The following TUT4 variants were observed in gnomAD, a reference collection of about 807,000 sequenced individuals.
TUT4 encodes the protein terminal uridylyl transferase 4.
In TUT4, 36 loss-of-function variants were observed where a neutral mutation model predicts 192.2. The observed-to-expected ratio is 0.19, with a 90% CI of 0.14 to 0.25. The LOEUF is 0.25. Among genes scored for constraint, TUT4 ranks in the 10% least tolerant of loss-of-function variants. TUT4 has a pLI of 1.00. For synonymous variants in TUT4, 618 were observed against 666.0 expected (o/e 0.93, Z 1.11); for missense variants, 1,493 against 1,957.2 (o/e 0.76, Z 4.47).
At chr1:52,544,893 C>T (rs540182814) in intron 1 of TUT4, among the ~76,000 whole-genome samples, 70 of 151,768 alleles carry the variant, frequency 4.6e-4, no homozygotes, top group Non-Finnish European at 9.0e-4. Context: ...CCTGTCTCTA[C>T]AAAAATCTTA....
intron 2 of TUT4, among the ~76,000 whole-genome samples, chr1:52,518,956 A>C (rs1679442436): frequency 6.6e-6 from 1 of 152,230 alleles, no homozygotes; most frequent in Non-Finnish European, 1.5e-5. Context: ...GTAAAATCTT[A>C]CATGTATTTA....
chr1:52,463,259 C>T (rs998783014), intron 16 of TUT4: 71 of 987,736 alleles, frequency 7.2e-5, no homozygotes, highest in Non-Finnish European at 8.2e-5. Flanking sequence ...GTATAAAAAT[C>T]ATTTCCTATT....
rs749544030 is a variant in TUT4 at position 52,474,900 on chromosome 1, CATT to C, written c.2656_2658del (p.Asn886del). 5.6e-6 allele frequency: 9 copies of C among 1,613,974 alleles called. No individual in the cohort carries two copies. The East Asian group carries it at 1.3e-4, about 24-fold the overall frequency. On this transcript the variant is annotated inframe_deletion, in exon 13 of 30. Coordinates refer to ENST00000257177, the MANE Select transcript of TUT4 (RefSeq NM_001009881.3). ...TCCTGGGTGGGGAGGTTATCATCATCATTAAGGTCAGAAGCATCTTCTGTAGCT... is the reference window on the plus strand; with the variant it reads ...TCCTGGGTGGGGAGGTTATCATCATCAAGGTCAGAAGCATCTTCTGTAGCT...
intron 28 of TUT4, 152 bp downstream of exon 28, chr1:52,430,861 T>TG: frequency 1.2e-6 from 1 of 811,444 alleles, no homozygotes; most frequent in East Asian, 2.8e-5. Flanking sequence ...CCAGGCAGTC[T>TG]GAGTCCAGAG....
intron 13 of TUT4, among the ~76,000 whole-genome samples, chr1:52,474,285 ATAGGATAAGCCGAAATCCAGAGGCTCAG>A (rs916954773): frequency 2.0e-5 from 3 of 152,334 alleles, no homozygotes; most frequent in African/African-American, 4.8e-5. Flanking sequence ...TGTAATTCAT[ATAGGATAAGCCGAAATCCAGAGGCTCAG>A]TAGCAGAAAC....
At chr1:52,456,370 C>T (rs1407616471) in intron 20 of TUT4, among the ~76,000 whole-genome samples, 2 of 137,638 alleles carry the variant, frequency 1.5e-5, no homozygotes, top group Non-Finnish European at 3.0e-5. Context: ...TGAGATCATG[C>T]CACTGCACTC....
chr1:52,540,620 C>T (rs965608722), intron 1 of TUT4, among the ~76,000 whole-genome samples: 1 of 152,110 alleles, frequency 6.6e-6, no homozygotes, highest in African/African-American at 2.4e-5. Context: ...TAATTAGAGT[C>T]TTGCAGTATT....
chr1:52,445,194 TA>T (rs1251460604), intron 24 of TUT4, among the ~76,000 whole-genome samples: 1 of 151,756 alleles, frequency 6.6e-6, no homozygotes, highest in African/African-American at 2.4e-5. Context: ...TCCCTAACCA[TA>T]AGAAAGCAGG....
chr1:52,442,594 T>C (rs764087779), intron 24 of TUT4, among the ~76,000 whole-genome samples: 14 of 152,154 alleles, frequency 9.2e-5, no homozygotes, highest in Non-Finnish European at 1.6e-4. Context: ...AAATCTGAAA[T>C]CTCAAATGCT....
intron 1 of TUT4, chr1:52,535,224 C>T (rs1356765463): frequency 6.6e-6 from 1 of 152,018 alleles, no homozygotes; most frequent in African/African-American, 2.4e-5. Context: ...TCTATTGCTC[C>T]TATTAATTAG....
At chr1:52,524,758 G>A (rs1048199519) in intron 2 of TUT4, among the ~76,000 whole-genome samples, 4 of 151,882 alleles carry the variant, frequency 2.6e-5, no homozygotes, top group African/African-American at 4.8e-5. Context: ...AGTGGAGATC[G>A]CACCACTGCA....
At chr1:52,539,156 T>C (rs1179154737) in intron 1 of TUT4, among the ~76,000 whole-genome samples, 1 of 151,972 alleles carries the variant, frequency 6.6e-6, no homozygotes, top group Non-Finnish European at 1.5e-5. Context: ...TAAAGAAACA[T>C]TAAAAATACA....
At position 52,424,223 on chromosome 1, in the gene TUT4, A is replaced by G. The variant is rs1649026780; in HGVS notation, c.4871-221T>C. ...AGGACACGAAAGATGGAGAGGAGGA[A>G]TCAAAGGGAAAAAACCCACTAGAAA... On this transcript the variant is annotated intron_variant, in intron 29 of 29. Transcript: ENST00000257177. 3 of 521,156 alleles carry G rather than the reference A, an allele frequency of 5.8e-6. No individual in the cohort carries two copies. In the South Asian group the frequency reaches 6.9e-5, roughly 12 times the overall value. The allele number at this position is 521,156 out of a possible 1,614,324, so 32.3% of individuals were successfully genotyped here.
intron 20 of TUT4, among the ~76,000 whole-genome samples, chr1:52,454,920 A>C (rs1660428569): frequency 6.6e-6 from 1 of 152,238 alleles, no homozygotes; most frequent in Non-Finnish European, 1.5e-5. Flanking sequence ...TCACCAAAGA[A>C]GACATATGAA....
intron 1 of TUT4, among the ~76,000 whole-genome samples, chr1:52,548,255 T>A (rs570712118): frequency 6.6e-6 from 1 of 152,236 alleles, no homozygotes; most frequent in South Asian, 2.1e-4. Flanking sequence ...TAATGACTGG[T>A]CAATTAAATT....
In TUT4 at chr1:52,423,671, G is replaced by T; in HGVS notation, c.*264C>A. 1 of 615,096 alleles carries T rather than the reference G, an allele frequency of 1.6e-6. No homozygotes were observed. The highest frequency in any genetic ancestry group is 2.1e-5 in the South Asian group (1 of 48,076). 38.1% of individuals were successfully genotyped at this position (615,096 alleles called of 1,614,324 possible). A position where few individuals can be genotyped will look rare whatever the true frequency, so the allele number is the denominator to read the frequency against. On this transcript the variant is annotated 3_prime_UTR_variant, in exon 30 of 30. Transcript: ENST00000257177. ...TAGGGTAATAAAATAGATGAAATTTGTATCACTCAATTTGGTGATACTAGT... is the reference window on the plus strand; with the variant it reads ...TAGGGTAATAAAATAGATGAAATTTTTATCACTCAATTTGGTGATACTAGT...
chr1:52,445,043 G>A (rs1012312351), intron 24 of TUT4, among the ~76,000 whole-genome samples: 3 of 150,506 alleles, frequency 2.0e-5, no homozygotes, highest in African/African-American at 7.4e-5. Context: ...ATATATATGT[G>A]TGTGTGTGTC....
chr1:52,479,782 C>G (rs919644039), intron 11 of TUT4, among the ~76,000 whole-genome samples: 3 of 151,946 alleles, frequency 2.0e-5, no homozygotes, highest in Non-Finnish European at 4.4e-5. Flanking sequence ...ATCACGAGAT[C>G]AGGAGATTGA....
intron 2 of TUT4, among the ~76,000 whole-genome samples, chr1:52,522,400 C>G (rs1413323729): frequency 6.6e-6 from 1 of 152,108 alleles, no homozygotes; most frequent in Non-Finnish European, 1.5e-5. Context: ...CCCACGTGTC[C>G]GGTACTACAT....
Sources: gnomAD v4.1 joint callset for allele counts (sites outside exome capture counted in the v4.1 genomes callset) on GRCh38, gnomAD v4.1.1 for gene constraint, MANE v1.5 for transcripts, NCBI Gene and HGNC (gene_info 2026-07-23, HGNC 2026-07-21) for gene names.